SNRNP25: variants seen among roughly 807,000 people sequenced by gnomAD.
The protein encoded by SNRNP25 is U11/U12 small nuclear ribonucleoprotein 25 kDa protein.
A neutral mutation model predicts 23.9 loss-of-function variants in SNRNP25; 21 were observed. The observed-to-expected ratio is 0.88, with a 90% CI of 0.62 to 1.27. The LOEUF (loss-of-function observed/expected upper bound fraction) is 1.27. SNRNP25 is among the 50% of genes most tolerant of loss of function. The pLI, the probability that SNRNP25 is intolerant of heterozygous loss-of-function variation, is 0.00. For missense variants in SNRNP25, 160 were observed against 156.9 expected, an observed-to-expected ratio of 1.02 and a Z score of -0.11; for synonymous variants, 63 against 60.4, an observed-to-expected ratio of 1.04 and a Z score of -0.20.
chr16:54,059 G>C lies in SNRNP25; in HGVS notation c.42+1G>C, dbSNP rs1596459510. 6.2e-7 allele frequency: 1 copy of C among 1,603,742 alleles called. No individual in the cohort carries two copies. Among genetic ancestry groups the C allele is most frequent in the Non-Finnish European group, 8.5e-7 (1 of 1,177,996 alleles). On this transcript the variant is annotated splice_donor_variant, in intron 1 of 4. Coordinates refer to ENST00000293861, the MANE Select transcript of SNRNP25 (RefSeq NM_024571.4). LOFTEE classifies it high-confidence loss of function. The stretch of plus-strand genomic sequence containing the variant: ...GCTGCTCTGCGATCTGCCGATCCAG[G>C]TGTGTGCGGGCGGGGGCTGGGGGCG...
Position 55,778 on chromosome 16 carries a change from C to A in SNRNP25, c.135C>A (p.Pro45=), listed in dbSNP as rs768384752. The A allele has an allele frequency of 6.2e-7, 1 of 1,613,880 alleles. No individual in the cohort carries two copies. The highest frequency in any genetic ancestry group is 1.3e-5 in the African/African-American group (1 of 74,912). The change falls in exon 3 of 5, where the codon CCC becomes CCA. Residue 45 remains proline, a splice_region_variant and synonymous_variant. Transcript: ENST00000293861. Reference sequence around the variant, plus strand: ...TCCCATCTGTGTCCGTGGTTGCAGCCGTGGTTGTAGTGCAGAGTGCCACAG... The same window carrying A: ...TCCCATCTGTGTCCGTGGTTGCAGCAGTGGTTGTAGTGCAGAGTGCCACAG... The part of the protein sequence containing the change: ...RVCKMDGEVM[P]VVVVQSATVL...
rs1897406561 is a variant in SNRNP25 at position 56,313 on chromosome 16, T to C, written c.240-226T>C. 5.6e-6 allele frequency: 4 copies of C among 711,448 alleles called. No individual in the cohort carries two copies. The South Asian group carries it at 6.0e-5, about 11-fold the overall frequency. The allele number at this position is 711,448 out of a possible 1,614,324, so 44.1% of individuals were successfully genotyped here. On this transcript the variant is annotated intron_variant, in intron 3 of 4. Coordinates refer to ENST00000293861, the MANE Select transcript of SNRNP25 (RefSeq NM_024571.4). ...ACTGAGTCTCAACACTGTCGCCTGT[T>C]GCATTAGCAAGGTTTGTTTGGCCAA...
intron 3 of SNRNP25, chr16:56,223 T>C: frequency 7.3e-6 from 5 of 680,638 alleles, no homozygotes; most frequent in Admixed American, 4.1e-5. Context: ...CTGTAGGGGC[T>C]CCCATCCCCT....
intron 1 of SNRNP25, 165 bp from the exon 2 acceptor site, chr16:55,294 T>C (rs977886574): frequency 4.8e-6 from 3 of 620,208 alleles, no homozygotes; most frequent in Non-Finnish European, 8.8e-6. Flanking sequence ...GAACATGAGA[T>C]TGGGGCTCTG....
In SNRNP25 at chr16:54,901, T is replaced by C. The variant is rs549069063; in HGVS notation, c.43-558T>C. Reference sequence around the variant, plus strand: ...TCACCATGTTGGGCCAGGATGGTCTTGATCTCCTGACCTCATGATCCGCCC... The same window carrying C: ...TCACCATGTTGGGCCAGGATGGTCTCGATCTCCTGACCTCATGATCCGCCC... On this transcript the variant is annotated intron_variant, in intron 1 of 4. Coordinates refer to ENST00000293861, the MANE Select transcript of SNRNP25 (RefSeq NM_024571.4). 221 of 154,386 alleles carry C rather than the reference T, an allele frequency of 1.4e-3. 6 individuals are homozygous for C. The South Asian group carries it at 0.023, about 16-fold the overall frequency. The allele number at this position is 154,386 out of a possible 1,614,324, so 9.6% of individuals were successfully genotyped here.
At chr16:55,042 G>A (rs772944563) in intron 1 of SNRNP25, 1 of 167,258 alleles carries the variant, frequency 6.0e-6, no homozygotes. Context: ...TTTCTTAAAT[G>A]TTGTATTAAA....
chr16:53,848 C>A lies in SNRNP25; in HGVS notation c.-169C>A. On this transcript the variant is annotated 5_prime_UTR_variant, in exon 1 of 5. Transcript: ENST00000293861. Reference sequence around the variant, plus strand: ...GGGCCGCAGTTCCTGCGCGTGCGCGCTTGGCCTCCCTAGTGCGGGCTGGCA... The same window carrying A: ...GGGCCGCAGTTCCTGCGCGTGCGCGATTGGCCTCCCTAGTGCGGGCTGGCA... The A allele has an allele frequency of 7.1e-7, 1 of 1,415,362 alleles. No homozygotes were observed. Among genetic ancestry groups the A allele is most frequent in the Non-Finnish European group, 9.4e-7 (1 of 1,058,696 alleles). 87.7% of individuals were successfully genotyped at this position (1,415,362 alleles called of 1,614,324 possible).
chr16:55,862 G>T lies in SNRNP25; in HGVS notation c.219G>T (p.Gly73=), dbSNP rs150671688. The T allele has an allele frequency of 1.0e-4, 168 of 1,613,970 alleles. No individual in the cohort carries two copies. The highest frequency in any genetic ancestry group is 1.4e-4 in the Non-Finnish European group (163 of 1,179,998). ...TGCAGCTCAAGCAGGAGCGTGAAGG[G>T]GGCATTCAGCACATCAGCTGGTAAG... ...RYVQLKQERE[G]GIQHISWSYV... Residue 73 remains glycine, a synonymous_variant, in exon 3 of 5, where the codon GGG becomes GGT. Coordinates refer to ENST00000293861, the MANE Select transcript of SNRNP25 (RefSeq NM_024571.4).
Position 57,365 on chromosome 16 carries a change from C to T in SNRNP25, c.*222C>T, listed in dbSNP as rs1364983689. On this transcript the variant is annotated 3_prime_UTR_variant, in exon 5 of 5. Transcript: ENST00000293861. Reference sequence around the variant, plus strand: ...CATGTACTTGGCCTGAGACTGACCTCTCCCTAGGTCCAAATGCCCTAGTCA... The same window carrying T: ...CATGTACTTGGCCTGAGACTGACCTTTCCCTAGGTCCAAATGCCCTAGTCA... The T allele has an allele frequency of 1.7e-6, 1 of 587,250 alleles. No homozygotes were observed. The highest frequency in any genetic ancestry group is 3.0e-6 in the Non-Finnish European group (1 of 328,878). 36.4% of individuals were successfully genotyped at this position (587,250 alleles called of 1,614,324 possible). A position where few individuals can be genotyped will look rare whatever the true frequency, so the allele number is the denominator to read the frequency against.
rs1897396455 is a variant in SNRNP25 at position 55,574 on chromosome 16, G to A, written c.133+25G>A. The stretch of plus-strand genomic sequence containing the variant: ...CGTAAGTGCTACCCTCCTCCCTTCA[G>A]GTTATGTGGTCCAGGCTTTCACAGC... On this transcript the variant is annotated intron_variant, in intron 2 of 4. Transcript: ENST00000293861. The A allele has an allele frequency of 4.3e-6, 7 of 1,612,356 alleles. No homozygotes were observed. In the East Asian group the frequency reaches 1.6e-4, roughly 36 times the overall value.
rs1232125786 is a variant in SNRNP25 at position 53,902 on chromosome 16, G to A, written c.-115G>A. 22 of 1,515,210 alleles carry A rather than the reference G, an allele frequency of 1.5e-5. No individual in the cohort carries two copies. The highest frequency in any genetic ancestry group is 1.8e-5 in the Non-Finnish European group (20 of 1,118,512). The allele number at this position is 1,515,210 out of a possible 1,614,324, so 93.9% of individuals were successfully genotyped here. A position where few individuals can be genotyped will look rare whatever the true frequency, so the allele number is the denominator to read the frequency against. On this transcript the variant is annotated 5_prime_UTR_variant, in exon 1 of 5. Coordinates refer to ENST00000293861, the MANE Select transcript of SNRNP25 (RefSeq NM_024571.4). Reference sequence around the variant, plus strand: ...CGGGCAGAGCCCGGCTGAGAGGGGCGGCCCTGGAGGAGACGGAGGCCGCGG... The same window carrying A: ...CGGGCAGAGCCCGGCTGAGAGGGGCAGCCCTGGAGGAGACGGAGGCCGCGG...
Position 57,086 on chromosome 16 carries a change from C to G in SNRNP25, c.315C>G (p.Asp105Glu). ...KLTEDRKKLR[D>E]YGIRNRDEVS... The stretch of plus-strand genomic sequence containing the variant: ...CTTTATGCCTTTCCTTCTTTTTCAG[C>G]TACGGCATCCGGAATCGAGACGAGG... The change falls in exon 5 of 5, where the codon GAC (aspartate) becomes GAG (glutamate). Residue 105 changes from aspartate (D) to glutamate (E), a missense_variant and splice_region_variant. Asp to Glu is a conservative substitution (Grantham distance 45, BLOSUM62 2). Coordinates refer to ENST00000293861, the MANE Select transcript of SNRNP25 (RefSeq NM_024571.4). 1.2e-6 allele frequency: 2 copies of G among 1,614,068 alleles called. No homozygotes were observed. The highest frequency in any genetic ancestry group is 2.2e-5 in the South Asian group (2 of 91,084).
intron 4 of SNRNP25, 119 bp downstream of exon 4, chr16:56,732 CT>C: frequency 4.6e-6 from 5 of 1,098,038 alleles, no homozygotes; most frequent in Non-Finnish European, 6.7e-6. Context: ...CTCCAAGGAG[CT>C]TCCTTGGGGC....
intron 3 of SNRNP25, chr16:56,273 T>TC (rs772122690): frequency 8.6e-5 from 60 of 699,198 alleles, no homozygotes; most frequent in Non-Finnish European, 1.4e-4. Flanking sequence ...TCCTATTGGA[T>TC]CAACTATCCT....
At chr16:54,088 G>C (rs1897376788) in intron 1 of SNRNP25, 30 bp downstream of exon 1, 3 of 1,583,284 alleles carry the variant, frequency 1.9e-6, no homozygotes, top group Non-Finnish European at 8.5e-7. Context: ...GGGGGCGCGG[G>C]AGTCGTTCCC....
At chr16:55,605 G>T in intron 2 of SNRNP25, 56 bp downstream of exon 2, 1 of 1,599,102 alleles carries the variant, frequency 6.3e-7, no homozygotes, top group Non-Finnish European at 8.6e-7. Context: ...ACAGCAGGAA[G>T]ACCTAACAGT....
At chr16:55,301 T>C in intron 1 of SNRNP25, 158 bp from the exon 2 acceptor site, 1 of 639,486 alleles carries the variant, frequency 1.6e-6, no homozygotes, top group Non-Finnish European at 2.9e-6. Context: ...AGATTGGGGC[T>C]CTGATGAATT....
chr16:56,112 C>T lies in SNRNP25; in HGVS notation c.239+230C>T, dbSNP rs1401751902. On this transcript the variant is annotated intron_variant, in intron 3 of 4. Transcript: ENST00000293861. ...CATCCCCAACATTCTGCTCTTCCATCGGCATCACCCCATCCGAGCTGCTGG... is the reference window on the plus strand; with the variant it reads ...CATCCCCAACATTCTGCTCTTCCATTGGCATCACCCCATCCGAGCTGCTGG... 18 of 616,586 alleles carry T rather than the reference C, an allele frequency of 2.9e-5. No individual in the cohort carries two copies. In the South Asian group the frequency reaches 3.1e-4, roughly 11 times the overall value. The allele number at this position is 616,586 out of a possible 1,614,324, so 38.2% of individuals were successfully genotyped here.
chr16:54,388 C>G (rs1897380681), intron 1 of SNRNP25, among the ~76,000 whole-genome samples: 1 of 152,008 alleles, frequency 6.6e-6, no homozygotes, highest in Non-Finnish European at 1.5e-5. Context: ...TAATTGGGAC[C>G]ACAGGTGCGC....
Sources: allele counts gnomAD v4.1 joint callset (sites outside exome capture counted in the v4.1 genomes callset), GRCh38; gene constraint gnomAD v4.1.1; transcripts MANE v1.5; gene names NCBI Gene and HGNC (gene_info 2026-07-23, HGNC 2026-07-21).